P3H2: variants seen among roughly 807,000 people sequenced by gnomAD.
The protein encoded by P3H2 is prolyl 3-hydroxylase 2.
Under a neutral mutation model 87.0 loss-of-function variants are expected in P3H2, and 80 were observed. The ratio of observed to expected loss-of-function variants is 0.92; its 90% CI spans 0.77 to 1.11. The LOEUF is 1.11. Ranked by LOEUF, P3H2 falls within the 50% of genes least tolerant of loss-of-function variation. The probability of loss-of-function intolerance (pLI) is 0.00; values close to 1 mark genes in which losing one functional copy is unlikely to be tolerated. For synonymous variants in P3H2, 367 were observed against 359.3 expected, an observed-to-expected ratio of 1.02 and a Z score of -0.24; for missense variants, 1,001 against 923.9, an observed-to-expected ratio of 1.08 and a Z score of -1.08.
In P3H2 at chr3:190,050,967, A is replaced by C. The variant is rs144321113; in HGVS notation, c.481-55525T>G. Among the ~76,000 whole-genome samples, 343 of 152,330 alleles carry C rather than the reference A, an allele frequency of 2.3e-3. 2 individuals carry two copies. Among genetic ancestry groups the C allele is most frequent in the African/African-American group, 7.9e-3 (330 of 41,578 alleles). On this transcript the variant is annotated intron_variant, in intron 1 of 14. Transcript: ENST00000319332. Reference sequence around the variant, plus strand: ...AGCTGGTCATGAAGTCATAATATAAAAGATACTGTCAAATGCCTTCTGAAA... The same window carrying C: ...AGCTGGTCATGAAGTCATAATATAACAGATACTGTCAAATGCCTTCTGAAA...
chr3:189,977,340 G>A (rs897094091), intron 8 of P3H2, among the ~76,000 whole-genome samples: 20 of 152,160 alleles, frequency 1.3e-4, no homozygotes, highest in African/African-American at 4.8e-4. Flanking sequence ...CTGTACTGGA[G>A]AGGATCACAT....
chr3:190,106,396 T>G (rs1711838587), intron 1 of P3H2, among the ~76,000 whole-genome samples: 1 of 152,188 alleles, frequency 6.6e-6, no homozygotes, highest in Admixed American at 6.5e-5. Context: ...GTCAAGCACC[T>G]GTTTTATATG....
intron 13 of P3H2, 98 bp from the exon 14 acceptor site, chr3:189,964,196 T>C: frequency 8.9e-7 from 1 of 1,127,800 alleles, no homozygotes; most frequent in Admixed American, 1.7e-5. Flanking sequence ...AGTTAAGGCC[T>C]GAGGCGAAGA....
intron 1 of P3H2, among the ~76,000 whole-genome samples, chr3:190,022,444 T>G (rs1724950550): frequency 7.4e-6 from 1 of 135,536 alleles, no homozygotes; most frequent in South Asian, 2.6e-4. Flanking sequence ...CAGGATTCCA[T>G]AAGACCTTTG....
In P3H2 at chr3:190,000,925, T is replaced by A. The variant is rs1011093719; in HGVS notation, c.481-5483A>T. ...CTTCTTTGTGGAAAACAGATCTTCCTAGAGGGCAGAAGAGCACTGCAGTAA... is the reference window on the plus strand; with the variant it reads ...CTTCTTTGTGGAAAACAGATCTTCCAAGAGGGCAGAAGAGCACTGCAGTAA... On this transcript the variant is annotated intron_variant, in intron 1 of 14. Transcript: ENST00000319332. 3.4e-4 allele frequency among the ~76,000 whole-genome samples: 51 copies of A among 152,224 alleles called. 1 individual carries two copies. The highest frequency in any genetic ancestry group is 4.4e-4 in the Non-Finnish European group (30 of 68,036).
At chr3:190,012,243 G>A (rs1301459323) in intron 1 of P3H2, among the ~76,000 whole-genome samples, 1 of 97,690 alleles carries the variant, frequency 1.0e-5, no homozygotes, top group African/African-American at 4.3e-5. Flanking sequence ...TGTGTGTGTA[G>A]TGGGGGGCGG....
intron 1 of P3H2, among the ~76,000 whole-genome samples, chr3:190,000,830 A>G (rs1221371269): frequency 6.6e-6 from 1 of 152,232 alleles, no homozygotes; most frequent in Admixed American, 6.5e-5. Flanking sequence ...TAAGTGCACA[A>G]GGAAACAGTA....
At chr3:189,987,007 C>T in intron 5 of P3H2, 130 bp from the exon 6 acceptor site, 2 of 686,500 alleles carry the variant, frequency 2.9e-6, no homozygotes, top group Non-Finnish European at 2.6e-6. Flanking sequence ...AACTGCAAGA[C>T]TTGGCCCCAT....
intron 1 of P3H2, among the ~76,000 whole-genome samples, chr3:189,998,683 GA>G (rs1395981499): frequency 1.3e-5 from 2 of 152,030 alleles, no homozygotes; most frequent in South Asian, 2.1e-4. Context: ...TTAGAAAAGA[GA>G]AAAAAACTTG....
intron 1 of P3H2, among the ~76,000 whole-genome samples, chr3:190,055,519 G>T (rs1171807380): frequency 3.4e-5 from 2 of 59,698 alleles, no homozygotes; most frequent in African/African-American, 1.5e-4. Context: ...ACTCTATACA[G>T]AGTGCTTTTT....
intron 1 of P3H2, among the ~76,000 whole-genome samples, chr3:190,077,683 T>C (rs1047077091): frequency 9.9e-5 from 15 of 152,162 alleles, no homozygotes; most frequent in Admixed American, 3.9e-4. Flanking sequence ...CAATGAAGGA[T>C]GAAAGGTTTT....
intron 1 of P3H2, among the ~76,000 whole-genome samples, chr3:190,076,683 G>A (rs1472155006): frequency 6.6e-6 from 1 of 152,140 alleles, no homozygotes; most frequent in Non-Finnish European, 1.5e-5. Context: ...CTGAGAAAAG[G>A]GAGACTCCTA....
chr3:189,986,374 C>T (rs1308729992), intron 6 of P3H2, among the ~76,000 whole-genome samples: 2 of 152,154 alleles, frequency 1.3e-5, no homozygotes, highest in Admixed American at 1.3e-4. Context: ...CACCTGAGGT[C>T]AGGAGTCCGA....
At chr3:190,071,650 A>G (rs1577308779) in intron 1 of P3H2, among the ~76,000 whole-genome samples, 1 of 152,340 alleles carries the variant, frequency 6.6e-6, no homozygotes, top group East Asian at 1.9e-4. Context: ...TCCTAGGCAC[A>G]TACATATTGA....
intron 1 of P3H2, among the ~76,000 whole-genome samples, chr3:190,010,006 C>T (rs7641380): frequency 0.12 from 17,666 of 152,152 alleles, 1,203 homozygotes; most frequent in Middle Eastern, 0.28. Flanking sequence ...GACTAGGAGC[C>T]TAAGTCCCAC....
intron 4 of P3H2, among the ~76,000 whole-genome samples, chr3:189,988,239 C>T (rs961558184): frequency 1.2e-4 from 19 of 152,160 alleles, no homozygotes; most frequent in Non-Finnish European, 2.2e-4. Context: ...CTAAAAGGAA[C>T]TAACAAGGAT....
chr3:190,007,236 G>A (rs570018907), intron 1 of P3H2, among the ~76,000 whole-genome samples: 3 of 152,210 alleles, frequency 2.0e-5, no homozygotes, highest in African/African-American at 7.2e-5. Flanking sequence ...CAAAATTTTG[G>A]GGAAACCCTT....
intron 1 of P3H2, among the ~76,000 whole-genome samples, chr3:190,109,453 T>A (rs543962186): frequency 6.6e-6 from 1 of 152,338 alleles, no homozygotes; most frequent in Admixed American, 6.5e-5. Context: ...CAGGTTGCAG[T>A]GGATTATTTA....
At chr3:189,965,908 C>T (rs911821432) in intron 13 of P3H2, among the ~76,000 whole-genome samples, 2 of 149,806 alleles carry the variant, frequency 1.3e-5, no homozygotes, top group Non-Finnish European at 3.0e-5. Flanking sequence ...ATCGCTTGAA[C>T]CTGGGAGACG....
Sources: allele counts gnomAD v4.1 joint callset (sites outside exome capture counted in the v4.1 genomes callset), GRCh38; gene constraint gnomAD v4.1.1; transcripts MANE v1.5; gene names NCBI Gene and HGNC (gene_info 2026-07-23, HGNC 2026-07-21).